The following GLB1 variants were observed in gnomAD, a reference collection of about 807,000 sequenced individuals.
GLB1 encodes galactosidase beta 1.
A neutral mutation model predicts 74.0 loss-of-function variants in GLB1; 56 were observed. That is an observed-to-expected ratio of 0.76 (90% confidence interval 0.61 to 0.94). GLB1 has a LOEUF of 0.94. GLB1 is among the 40% of genes least tolerant of loss of function. The pLI is 0.00. For synonymous variants in GLB1, 323 were observed against 323.6 expected, an observed-to-expected ratio of 1.00 and a Z score of 0.02; for missense variants, 787 against 845.5, an observed-to-expected ratio of 0.93 and a Z score of 0.86.
chr3:33,094,224 C>T (rs1575502716), intron 1 of GLB1: 3 of 1,558,300 alleles, frequency 1.9e-6, no homozygotes, highest in Admixed American at 1.9e-5. Flanking sequence ...GCTCCCCCAC[C>T]AGTTCTGTGC....
intron 10 of GLB1, chr3:33,034,350 T>C (rs1409310497): frequency 1.3e-5 from 10 of 757,242 alleles, no homozygotes; most frequent in Admixed American, 5.2e-5. Context: ...CCTGCTGTTG[T>C]ACCTGGAAGC....
the GLB1 span, among the ~76,000 whole-genome samples, chr3:32,975,370 A>G: frequency 2.0e-5 from 3 of 152,028 alleles, no homozygotes; most frequent in South Asian, 6.2e-4. Context: ...CAGGGGCATG[A>G]GGTACTGCCC....
chr3:33,022,564 A>ATGTTTTTTTTTTTTTT (rs1697538426), intron 11 of GLB1, among the ~76,000 whole-genome samples: 1 of 63,746 alleles, frequency 1.6e-5, no homozygotes, highest in Non-Finnish European at 2.9e-5. Flanking sequence ...ACTGGTTAGG[A>ATGTTTTTTTTTTTTTT]TTTTTTTTTT....
rs930430475 is a variant in GLB1, at chr3:33,032,580, C to G, written c.1069-8255G>C. ...TTTTACCTCCTGAACACTTTTCTTT[C>G]CTAATTTAAATTTTTAAATTTTCTT... On this transcript the variant is annotated intron_variant, in intron 10 of 15. Transcript: ENST00000307363. Among the ~76,000 whole-genome samples, 31 of 140,282 alleles carry G rather than the reference C, an allele frequency of 2.2e-4. 1 individual carries two copies. The highest frequency in any genetic ancestry group is 3.1e-5 in the Non-Finnish European group (2 of 63,914). 92.0% of individuals were successfully genotyped at this position (140,282 alleles called of 152,430 possible).
In GLB1 at chr3:33,014,051, C is replaced by A. The variant is rs988566536; in HGVS notation, c.1734+5G>T. ...AATTCAAACCCTTCCCATGAAGACA[C>A]GTACCTTGGTCCATCCAGGAAACTG... is the stretch of plus-strand genomic sequence containing the variant. On this transcript the variant is annotated splice_donor_5th_base_variant and intron_variant, in intron 15 of 15. Transcript: ENST00000307363. The A allele has an allele frequency of 1.9e-6, 3 of 1,614,198 alleles. No homozygotes were observed. Among genetic ancestry groups the A allele is most frequent in the Non-Finnish European group, 2.5e-6 (3 of 1,180,034 alleles).
chr3:33,084,504 G>A (rs4558698), intron 1 of GLB1, among the ~76,000 whole-genome samples: 2,623 of 151,830 alleles, frequency 0.017, 72 homozygotes, highest in African/African-American at 0.058. Context: ...TTATGCATTC[G>A]ATTTTTATTA....
At chr3:33,006,127 G>T (rs1696777398) in intron 15 of GLB1, among the ~76,000 whole-genome samples, 1 of 152,174 alleles carries the variant, frequency 6.6e-6, no homozygotes, top group Admixed American at 6.5e-5. Flanking sequence ...AAGCACTGCT[G>T]CAGTGGCAGA....
chr3:33,049,406 C>T (rs1004608744), intron 9 of GLB1, among the ~76,000 whole-genome samples: 6 of 152,070 alleles, frequency 3.9e-5, no homozygotes, highest in African/African-American at 1.2e-4. Context: ...ATCAACTGGT[C>T]ACTTAGGTAT....
intron 15 of GLB1, among the ~76,000 whole-genome samples, chr3:33,001,847 G>A (rs1696585775): frequency 6.6e-6 from 1 of 152,038 alleles, no homozygotes; most frequent in Admixed American, 6.6e-5. Context: ...AAAGAATATT[G>A]TTCACTAAAA....
chr3:33,024,466 G>T, intron 10 of GLB1, 141 bp from the exon 11 acceptor site: 1 of 873,272 alleles, frequency 1.1e-6, no homozygotes, highest in Non-Finnish European at 1.7e-6. Context: ...AGGAACTAGA[G>T]ACTTCTTCCA....
intron 15 of GLB1, among the ~76,000 whole-genome samples, chr3:33,001,027 C>A (rs1696538881): frequency 6.6e-6 from 1 of 152,142 alleles, no homozygotes; most frequent in South Asian, 2.1e-4. Flanking sequence ...AACCTCCTTC[C>A]TGTGGTCCAC....
Position 33,093,700 on chromosome 3 carries a change from G to C in GLB1, c.75+3311C>G. 1 of 1,614,174 alleles carries C rather than the reference G, an allele frequency of 6.2e-7. No individual in the cohort carries two copies. The highest frequency in any genetic ancestry group is 1.1e-5 in the South Asian group (1 of 91,084). On this transcript the variant is annotated intron_variant, in intron 1 of 15. Coordinates refer to ENST00000307363, the MANE Select transcript of GLB1 (RefSeq NM_000404.4). This position sits in a 1 kb window ranked among gnomAD's most constrained non-coding sequence, Gnocchi z 6.0. Reference sequence around the variant, plus strand: ...GCAGTCACTCCCACTGCCAGGGCAGGCCTGAGCACGAGCTTCCTTGTCTTC... The same window carrying C: ...GCAGTCACTCCCACTGCCAGGGCAGCCCTGAGCACGAGCTTCCTTGTCTTC...
chr3:33,076,973 C>A, intron 1 of GLB1: 1 of 1,017,696 alleles, frequency 9.8e-7, no homozygotes, highest in South Asian at 1.7e-5. Context: ...CCTGTAATCC[C>A]AGCAATTTGG....
the GLB1 span, among the ~76,000 whole-genome samples, chr3:32,976,178 A>G: frequency 6.6e-6 from 1 of 152,150 alleles, no homozygotes; most frequent in Non-Finnish European, 1.5e-5. Context: ...GTCACCTGCT[A>G]AGCTGATCCA....
At chr3:33,002,219 T>G (rs1696601587) in intron 15 of GLB1, among the ~76,000 whole-genome samples, 2 of 152,224 alleles carry the variant, frequency 1.3e-5, no homozygotes, top group Non-Finnish European at 2.9e-5. Flanking sequence ...TTCATAAATG[T>G]GAGGTTCCTG....
At chr3:33,053,805 C>T (rs1394190582) in intron 6 of GLB1, among the ~76,000 whole-genome samples, 1 of 152,034 alleles carries the variant, frequency 6.6e-6, no homozygotes, top group Non-Finnish European at 1.5e-5. Context: ...TCCAGCCTGG[C>T]ATGGTGGAGA....
intron 10 of GLB1, among the ~76,000 whole-genome samples, chr3:33,031,038 T>C (rs1369790219): frequency 4.6e-5 from 7 of 152,328 alleles, no homozygotes; most frequent in Admixed American, 3.9e-4. Context: ...AGCTTTGCCA[T>C]GCCTTGAAGA....
chr3:33,026,395 C>A (rs1435599460), intron 10 of GLB1, among the ~76,000 whole-genome samples: 1 of 152,150 alleles, frequency 6.6e-6, no homozygotes, highest in Non-Finnish European at 1.5e-5. Context: ...AGGAGGGAGG[C>A]CGAGGGGGTG....
intron 10 of GLB1, among the ~76,000 whole-genome samples, chr3:33,033,233 C>T (rs1262828791): frequency 6.6e-6 from 1 of 152,176 alleles, no homozygotes; most frequent in Non-Finnish European, 1.5e-5. Flanking sequence ...GGGGCCAGAA[C>T]CTGTCTGTGA....
Sources: allele counts gnomAD v4.1 joint callset (sites outside exome capture counted in the v4.1 genomes callset), GRCh38; gene constraint gnomAD v4.1.1; non-coding constraint Gnocchi (gnomAD v3.1); transcripts MANE v1.5; gene names NCBI Gene and HGNC (gene_info 2026-07-23, HGNC 2026-07-21).